TTC27: variants seen among roughly 807,000 people sequenced by gnomAD.
TTC27 encodes the protein tetratricopeptide repeat domain 27, also known as tetratricopeptide repeat protein 27.
Under a neutral mutation model 115.9 loss-of-function variants are expected in TTC27, and 79 were observed. That is an observed-to-expected ratio of 0.68 (90% CI 0.57 to 0.82). The LOEUF (loss-of-function observed/expected upper bound fraction) is 0.82, where lower values mean the gene tolerates loss of function less well. Ranked by LOEUF, TTC27 falls within the 40% of genes least tolerant of loss-of-function variation. The pLI, the probability that TTC27 is intolerant of heterozygous loss-of-function variation, is 0.00. For missense variants in TTC27, 1,054 were observed against 993.1 expected (o/e 1.06, Z -0.82); for synonymous variants, 401 against 356.0 (o/e 1.13, Z -1.42).
At chr2:32,678,002 A>G (rs1401917241) in intron 8 of TTC27, among the ~76,000 whole-genome samples, 1 of 152,186 alleles carries the variant, frequency 6.6e-6, no homozygotes, top group African/African-American at 2.4e-5. Flanking sequence ...CATGCCTGTA[A>G]TCCAAACACA....
At chr2:32,632,508 T>C (rs1383865379) in intron 2 of TTC27, among the ~76,000 whole-genome samples, 7 of 152,226 alleles carry the variant, frequency 4.6e-5, no homozygotes, top group African/African-American at 2.4e-5. Context: ...GTTCACCTTA[T>C]GGATTTTGTT....
chr2:32,805,543 G>A (rs1024760946), intron 16 of TTC27, among the ~76,000 whole-genome samples: 2 of 152,216 alleles, frequency 1.3e-5, no homozygotes, highest in African/African-American at 4.8e-5. Flanking sequence ...CTTAGCACAG[G>A]GTTTGGCACA....
In TTC27 at chr2:32,630,571, T is replaced by C. The variant is rs776611685; in HGVS notation, c.137T>C (p.Ile46Thr). ...CTACTGGAAGGGAACTATGAAGCCATATTCTTAAATTCAATGACTCAAAAT... is the reference window on the plus strand; with the variant it reads ...CTACTGGAAGGGAACTATGAAGCCACATTCTTAAATTCAATGACTCAAAAT... ...QLLLEGNYEA[I>T]FLNSMTQNIF... Residue 46 changes from isoleucine (I) to threonine (T), a missense_variant, in exon 2 of 20, where the codon ATA (isoleucine) becomes ACA (threonine). Ile to Thr is a moderately conservative substitution (Grantham distance 89). Coordinates refer to ENST00000317907, the MANE Select transcript of TTC27 (RefSeq NM_017735.5). 1.9e-6 allele frequency: 3 copies of C among 1,613,084 alleles called. No homozygotes were observed. The highest frequency in any genetic ancestry group is 1.7e-5 in the Admixed American group (1 of 59,930).
At chr2:32,759,587 G>GA (rs1462622817) in intron 13 of TTC27, among the ~76,000 whole-genome samples, 1 of 151,934 alleles carries the variant, frequency 6.6e-6, no homozygotes, top group Admixed American at 6.6e-5. Flanking sequence ...CCTCATCTCT[G>GA]AAAAAAATAA....
At chr2:32,690,829 ATGCTCTT>A (rs1418937729) in intron 9 of TTC27, among the ~76,000 whole-genome samples, 2 of 152,246 alleles carry the variant, frequency 1.3e-5, no homozygotes, top group Non-Finnish European at 2.9e-5. Flanking sequence ...TCAAAAATGA[ATGCTCTT>A]TTAAGTAGAT....
chr2:32,653,974 G>A (rs1042060196), intron 5 of TTC27, among the ~76,000 whole-genome samples: 1 of 152,068 alleles, frequency 6.6e-6, no homozygotes, highest in Non-Finnish European at 1.5e-5. Flanking sequence ...ACCATTCTGC[G>A]TTTCTAGCCA....
chr2:32,629,927 G>A lies in TTC27; in HGVS notation c.89-596G>A, dbSNP rs995482603. ...TGTGGGCACTTGTGTGACACAGTAG[G>A]TGCTTCCAGTGACAGGAAGTTTGAA... is the stretch of plus-strand genomic sequence containing the variant. On this transcript the variant is annotated intron_variant, in intron 1 of 19. Transcript: ENST00000317907. Among the ~76,000 whole-genome samples the A allele has an allele frequency of 8.4e-4, 128 of 152,180 alleles. 3 individuals carry two copies. Among genetic ancestry groups the A allele is most frequent in the Non-Finnish European group, 1.6e-4 (11 of 68,038 alleles).
At chr2:32,799,760 T>G (rs1218755715) in intron 16 of TTC27, among the ~76,000 whole-genome samples, 1 of 152,236 alleles carries the variant, frequency 6.6e-6, no homozygotes, top group Non-Finnish European at 1.5e-5. Flanking sequence ...CAGAAACAGA[T>G]TCAAGTAGGA....
At chr2:32,785,115 A>T (rs914892390) in intron 15 of TTC27, among the ~76,000 whole-genome samples, 1 of 152,134 alleles carries the variant, frequency 6.6e-6, no homozygotes, top group African/African-American at 2.4e-5. Flanking sequence ...CTGATGATAA[A>T]ATTTTGGCTG....
intron 13 of TTC27, among the ~76,000 whole-genome samples, chr2:32,766,854 C>G (rs536052575): frequency 2.4e-4 from 36 of 152,232 alleles, no homozygotes; most frequent in African/African-American, 8.4e-4. Flanking sequence ...GGTGCGATCT[C>G]TGCTCACTGG....
rs70938359 is a variant in TTC27 at position 32,681,980 on chromosome 2, ATGTGTGTGTGTGTGTGTGTGTGTGTG to A, written c.1119+3080_1119+3105del. ...TAATTATTTATATATATGTATATAT[ATGTGTGTGTGTGTGTGTGTGTGTGTG>A]TGTGTGTGTGTGTGTGTGTGTATGT... On this transcript the variant is annotated intron_variant, in intron 9 of 19. Coordinates refer to ENST00000317907, the MANE Select transcript of TTC27 (RefSeq NM_017735.5). 5.7e-3 allele frequency among the ~76,000 whole-genome samples: 515 copies of A among 90,038 alleles called. 3 individuals carry two copies. Among genetic ancestry groups the A allele is most frequent in the African/African-American group, 0.017 (482 of 29,142 alleles). The allele number at this position is 90,038 out of a possible 152,430, so 59.1% of individuals were successfully genotyped here.
Position 32,797,271 on chromosome 2 carries a change from C to T in TTC27, c.1998+10122C>T, listed in dbSNP as rs115445241. On this transcript the variant is annotated intron_variant, in intron 16 of 19. Transcript: ENST00000317907. ...TTACTGCCACTGCAGCTTTGAACTC[C>T]GGGGCTCAAGCAGCCCTCCTGCCTC... 6.3e-3 allele frequency among the ~76,000 whole-genome samples: 956 copies of T among 152,030 alleles called. 12 individuals carry two copies. The highest frequency in any genetic ancestry group is 0.021 in the African/African-American group (868 of 41,450).
At chr2:32,705,257 A>G (rs78363129) in intron 10 of TTC27, among the ~76,000 whole-genome samples, 11,304 of 152,140 alleles carry the variant, frequency 0.074, 468 homozygotes, top group East Asian at 0.14. Flanking sequence ...TGCCATGACT[A>G]TAAGCTTCCT....
intron 10 of TTC27, among the ~76,000 whole-genome samples, chr2:32,733,301 C>G: frequency 6.6e-6 from 1 of 152,236 alleles, no homozygotes; most frequent in East Asian, 1.9e-4. Flanking sequence ...GCCCACTGCA[C>G]TGTATAGATG....
At chr2:32,815,338 G>A (rs190852003) in intron 18 of TTC27, among the ~76,000 whole-genome samples, 4 of 140,280 alleles carry the variant, frequency 2.9e-5, no homozygotes, top group African/African-American at 1.1e-4. Context: ...CCAGGTTCAC[G>A]CCATTCTCCT....
At chr2:32,703,593 C>G (rs556791704) in intron 10 of TTC27, among the ~76,000 whole-genome samples, 1 of 152,212 alleles carries the variant, frequency 6.6e-6, no homozygotes, top group Admixed American at 6.5e-5. Flanking sequence ...AAAATTCATC[C>G]TGATGCAAAA....
In TTC27 at chr2:32,777,814, T is replaced by C; in HGVS notation, c.1681-68T>C. On this transcript the variant is annotated intron_variant, in intron 13 of 19. Coordinates refer to ENST00000317907, the MANE Select transcript of TTC27 (RefSeq NM_017735.5). ...AGTGTGTTTGTTGATAGCATCTTAA[T>C]AATTTTCAGATTACATTCTGTAAAT... 2.0e-6 allele frequency: 3 copies of C among 1,472,666 alleles called. No homozygotes were observed. In the Admixed American group the frequency reaches 5.2e-5, roughly 26 times the overall value. 91.2% of individuals were successfully genotyped at this position (1,472,666 alleles called of 1,614,324 possible).
intron 15 of TTC27, among the ~76,000 whole-genome samples, chr2:32,784,035 G>A (rs756673085): frequency 3.5e-4 from 53 of 152,098 alleles, no homozygotes; most frequent in Non-Finnish European, 6.2e-4. Context: ...ATCATATTAT[G>A]TTCTTGATTG....
intron 16 of TTC27, among the ~76,000 whole-genome samples, chr2:32,810,251 A>C (rs75157108): frequency 0.017 from 2,564 of 152,284 alleles, 80 homozygotes; most frequent in African/African-American, 0.059. Context: ...GACCTCTTTA[A>C]GCGGAGTTAG....
Sources: allele counts gnomAD v4.1 joint callset (sites outside exome capture counted in the v4.1 genomes callset), GRCh38; gene constraint gnomAD v4.1.1; transcripts MANE v1.5; gene names NCBI Gene and HGNC (gene_info 2026-07-23, HGNC 2026-07-21).